TMEM116: variants seen among roughly 807,000 people sequenced by gnomAD.
TMEM116 encodes transmembrane protein 116.
A neutral mutation model predicts 44.3 loss-of-function variants in TMEM116; 38 were observed. The observed-to-expected ratio is 0.86, with a 90% CI of 0.66 to 1.12. The LOEUF is 1.12. Ranked by LOEUF, TMEM116 falls within the 50% of genes most tolerant of loss-of-function variation. TMEM116 has a pLI of 0.00. For missense variants in TMEM116, 354 were observed against 401.7 expected (o/e 0.88, Z 1.01); for synonymous variants, 132 against 144.8 (o/e 0.91, Z 0.64).
At chr12:111,939,133 A>G (rs563547164) in intron 5 of TMEM116, among the ~76,000 whole-genome samples, 2 of 152,132 alleles carry the variant, frequency 1.3e-5, no homozygotes, top group South Asian at 4.2e-4. Flanking sequence ...TCCTATTTTT[A>G]CCTGGGTACC....
At chr12:111,949,030 C>T (rs917334066) in intron 4 of TMEM116, among the ~76,000 whole-genome samples, 4 of 152,048 alleles carry the variant, frequency 2.6e-5, no homozygotes, top group African/African-American at 9.7e-5. Context: ...GCGGGGGTTG[C>T]TTGAGCTTAG....
chr12:111,955,660 TAATC>T (rs2074033869), intron 4 of TMEM116, among the ~76,000 whole-genome samples: 1 of 152,214 alleles, frequency 6.6e-6, no homozygotes, highest in South Asian at 2.1e-4. Context: ...CTCAGCCTAT[TAATC>T]AAAAACTGAA....
intron 1 of TMEM116, chr12:112,005,678 G>C (rs549595921): frequency 2.0e-6 from 2 of 985,774 alleles, no homozygotes; most frequent in South Asian, 4.7e-5. Flanking sequence ...AGAAACCTGG[G>C]AGAGAAAACT....
At chr12:111,992,561 T>A (rs1462892314) in intron 3 of TMEM116, among the ~76,000 whole-genome samples, 2 of 152,032 alleles carry the variant, frequency 1.3e-5, no homozygotes, top group Non-Finnish European at 2.9e-5. Context: ...GAGCCAAACA[T>A]CTTCTAAATA....
chr12:111,945,827 T>G (rs1284161357), intron 4 of TMEM116, among the ~76,000 whole-genome samples: 3 of 152,222 alleles, frequency 2.0e-5, no homozygotes, highest in Non-Finnish European at 4.4e-5. Flanking sequence ...AAAAGAGATA[T>G]GCATTCAGTA....
chr12:111,977,592 G>C (rs2075738346), intron 4 of TMEM116, among the ~76,000 whole-genome samples: 3 of 152,156 alleles, frequency 2.0e-5, no homozygotes, highest in Non-Finnish European at 4.4e-5. Context: ...AATTGTGTAT[G>C]TCAGTAAATT....
chr12:112,007,652 G>A (rs2077655325), intron 1 of TMEM116, among the ~76,000 whole-genome samples: 1 of 152,192 alleles, frequency 6.6e-6, no homozygotes, highest in Admixed American at 6.5e-5. Flanking sequence ...TAATAAAGGT[G>A]AGGAGACTAC....
intron 5 of TMEM116, among the ~76,000 whole-genome samples, chr12:111,940,000 T>C (rs111618288): frequency 6.7e-6 from 1 of 150,346 alleles, no homozygotes; most frequent in South Asian, 2.1e-4. Context: ...TGGTTGGGCA[T>C]GGTGGCTTAT....
chr12:111,988,593 G>A (rs1350497347), intron 4 of TMEM116, among the ~76,000 whole-genome samples: 15 of 152,074 alleles, frequency 9.9e-5, no homozygotes, highest in Admixed American at 9.8e-4. Context: ...CAGCTACTCA[G>A]GAGGCTGAGG....
intron 3 of TMEM116, among the ~76,000 whole-genome samples, chr12:111,997,319 T>C (rs906968585): frequency 6.6e-6 from 1 of 152,176 alleles, no homozygotes; most frequent in African/African-American, 2.4e-5. Flanking sequence ...TTTGTGAGGC[T>C]GAGGCGGGAA....
chr12:111,977,510 GACAA>G (rs1262399800), intron 4 of TMEM116, among the ~76,000 whole-genome samples: 1 of 151,918 alleles, frequency 6.6e-6, no homozygotes, highest in East Asian at 1.9e-4. Flanking sequence ...GAGAAATTCA[GACAA>G]ACAAAAACTA....
At chr12:111,972,067 CCTAT>C (rs1422263051) in intron 4 of TMEM116, among the ~76,000 whole-genome samples, 4 of 129,240 alleles carry the variant, frequency 3.1e-5, no homozygotes, top group African/African-American at 1.2e-4. Flanking sequence ...AGAATGACAC[CCTAT>C]CTGTGAAAAA....
At chr12:111,990,699 T>C (rs1185499401) in intron 4 of TMEM116, among the ~76,000 whole-genome samples, 2 of 152,148 alleles carry the variant, frequency 1.3e-5, no homozygotes, top group Non-Finnish European at 2.9e-5. Flanking sequence ...GTCTCAGAAA[T>C]ATAGAAGCAG....
At chr12:111,948,307 G>A (rs2073439303) in intron 4 of TMEM116, among the ~76,000 whole-genome samples, 1 of 152,184 alleles carries the variant, frequency 6.6e-6, no homozygotes. Flanking sequence ...TCAGAGTAAG[G>A]TGAGATGAGA....
chr12:111,997,221 T>C (rs1799179325), intron 3 of TMEM116, among the ~76,000 whole-genome samples: 1 of 152,154 alleles, frequency 6.6e-6, no homozygotes, highest in African/African-American at 2.4e-5. Context: ...TTCTAGTTCA[T>C]GTCTGGTATA....
intron 4 of TMEM116, among the ~76,000 whole-genome samples, chr12:111,945,074 A>G (rs1372947428): frequency 1.0e-5 from 1 of 99,194 alleles, no homozygotes; most frequent in South Asian, 3.3e-4. Context: ...GACTCCATCT[A>G]AAAAAAAAAA....
chr12:111,960,960 A>C (rs2074548983), intron 4 of TMEM116, among the ~76,000 whole-genome samples: 2 of 152,208 alleles, frequency 1.3e-5, no homozygotes, highest in Admixed American at 6.5e-5. Flanking sequence ...GAGAAGAATC[A>C]AATAGACACA....
intron 3 of TMEM116, chr12:112,003,582 AAT>A: frequency 2.0e-6 from 1 of 511,356 alleles, no homozygotes; most frequent in Non-Finnish European, 3.1e-6. Context: ...AAAAAAAAAA[AAT>A]AGTTAATCTC....
chr12:111,992,358 C>T (rs570234037), intron 3 of TMEM116, among the ~76,000 whole-genome samples: 92 of 151,936 alleles, frequency 6.1e-4, no homozygotes, highest in Non-Finnish European at 1.0e-3. Flanking sequence ...CAAGCTCTGC[C>T]TCCTGGGTTC....
Sources: allele counts gnomAD v4.1 joint callset (sites outside exome capture counted in the v4.1 genomes callset), GRCh38; gene constraint gnomAD v4.1.1; transcripts MANE v1.5; gene names NCBI Gene and HGNC (gene_info 2026-07-23, HGNC 2026-07-21).